Variants in ZNF222 observed in about 807,000 individuals in gnomAD.
The protein encoded by ZNF222 is zinc finger protein 222.
Under a neutral mutation model 11.6 loss-of-function variants are expected in ZNF222, and 8 were observed. That is an observed-to-expected ratio of 0.69 (90% CI 0.41 to 1.25). The LOEUF (loss-of-function observed/expected upper bound fraction) is 1.25, where lower values mean the gene tolerates loss of function less well. Ranked by LOEUF, ZNF222 falls within the 50% of genes most tolerant of loss-of-function variation. The pLI is 0.01. For missense variants in ZNF222, 483 were observed against 576.1 expected (o/e 0.84, Z 1.65); for synonymous variants, 171 against 195.6 (o/e 0.87, Z 1.05).
Position 44,027,141 on chromosome 19 carries a change from T to C in ZNF222, c.161T>C (p.Leu54Pro), listed in dbSNP as rs1976394927. The change falls in exon 2 of 4, where the codon CTC (leucine) becomes CCC (proline). Residue 54 changes from leucine (L) to proline (P), a missense_variant. Coordinates refer to ENST00000391960, the MANE Select transcript of ZNF222 (RefSeq NM_001129996.2). ...DVMLENFRNL[L>P]SVGHQPFHGD... ...ATGCTTGAGAACTTCAGGAACCTGC[T>C]CTCAGTGGGTGAGGACGGGCACCCC... The C allele has an allele frequency of 1.9e-6, 3 of 1,613,866 alleles. No homozygotes were observed. Among genetic ancestry groups the C allele is most frequent in the Non-Finnish European group, 2.5e-6 (3 of 1,179,974 alleles).
chr19:44,031,705 A>T, intron 3 of ZNF222, 112 bp from the exon 4 acceptor site: 1 of 1,213,964 alleles, frequency 8.2e-7, no homozygotes, highest in Non-Finnish European at 1.2e-6. Flanking sequence ...ATGGTCTCAA[A>T]CTCCTGACCT....
At chr19:44,030,330 A>G (rs10409475) in intron 3 of ZNF222, among the ~76,000 whole-genome samples, 9,697 of 152,260 alleles carry the variant, frequency 0.064, 1,012 homozygotes, top group African/African-American at 0.22. Context: ...CTTTGAAGGT[A>G]TAGATATTAA....
chr19:44,031,168 T>G (rs916326501), intron 3 of ZNF222: 5 of 152,430 alleles, frequency 3.3e-5, no homozygotes, highest in African/African-American at 1.2e-4. Context: ...GTATTTTAGC[T>G]TTATAACTTA....
intron 3 of ZNF222, chr19:44,028,163 C>T: frequency 2.5e-6 from 1 of 399,372 alleles, no homozygotes; most frequent in Non-Finnish European, 4.4e-6. Flanking sequence ...CATAGTCATG[C>T]TTCCTCTGCC....
chr19:44,030,398 G>A (rs1418271794), intron 3 of ZNF222, among the ~76,000 whole-genome samples: 5 of 152,234 alleles, frequency 3.3e-5, no homozygotes. Flanking sequence ...ACGAAGTTTA[G>A]TGGGACGTTT....
chr19:44,030,489 G>C (rs1412716188), intron 3 of ZNF222, among the ~76,000 whole-genome samples: 2 of 152,172 alleles, frequency 1.3e-5, no homozygotes, highest in Non-Finnish European at 1.5e-5. Flanking sequence ...TAATTTGCTA[G>C]AAAGACTCTT....
rs769882133 is a variant in ZNF222, at chr19:44,031,817, G to C, written c.263G>C (p.Gly88Ala). 6.1e-5 allele frequency: 98 copies of C among 1,612,098 alleles called. No individual in the cohort carries two copies. Among genetic ancestry groups the C allele is most frequent in the Non-Finnish European group, 7.7e-5 (91 of 1,178,984 alleles). The change falls in exon 4 of 4, where the codon GGA becomes GCA. Residue 88 changes from glycine to alanine, a missense_variant and splice_region_variant. Physicochemically the swap from Gly to Ala is moderately conservative, Grantham distance 60. Transcript: ENST00000391960. ...ATGTCTTAATTCTGTGTCCTTATAG[G>C]AGGCAAGATCCAAACTGAGATGGAG... ...GTTSQREGNL[G>A]GKIQTEMETV...
Position 44,032,893 on chromosome 19 carries a change from G to C in ZNF222, c.1339G>C (p.Val447Leu), listed in dbSNP as rs768732645. ...LKCEDCGKRL[V>L]CRSYCKDQQR... Reference sequence around the variant, plus strand: ...ATGTGAAGACTGTGGAAAGAGGCTTGTATGCCGGTCATACTGTAAAGACCA... The same window carrying C: ...ATGTGAAGACTGTGGAAAGAGGCTTCTATGCCGGTCATACTGTAAAGACCA... The change falls in exon 4 of 4, where the codon GTA becomes CTA. Residue 447 changes from valine to leucine, a missense_variant. Coordinates refer to ENST00000391960, the MANE Select transcript of ZNF222 (RefSeq NM_001129996.2). 5 of 1,613,900 alleles carry C rather than the reference G, an allele frequency of 3.1e-6. No homozygotes were observed. Among genetic ancestry groups the C allele is most frequent in the Admixed American group, 3.3e-5 (2 of 59,968 alleles).
chr19:44,026,554 A>ATTTTTTTTT (rs1329786054), intron 1 of ZNF222, among the ~76,000 whole-genome samples: 26 of 129,544 alleles, frequency 2.0e-4, no homozygotes, highest in African/African-American at 9.5e-4. Context: ...ATATATATAT[A>ATTTTTTTTT]TATTTTTTTT....
chr19:44,031,861 A>G lies in ZNF222; in HGVS notation c.307A>G (p.Thr103Ala), dbSNP rs750049319. ...TEMETVPEAG[T>A]HEEFSCKQIW... ...GATGGAGACTGTTCCAGAAGCAGGA[A>G]CACATGAAGAATTTTCCTGCAAGCA... is the stretch of plus-strand genomic sequence containing the variant. Residue 103 changes from threonine to alanine, a missense_variant, in exon 4 of 4, where the codon ACA becomes GCA. Transcript: ENST00000391960. 3 of 1,614,210 alleles carry G rather than the reference A, an allele frequency of 1.9e-6. No individual in the cohort carries two copies. The highest frequency in any genetic ancestry group is 1.1e-5 in the South Asian group (1 of 91,084).
chr19:44,026,356 T>A (rs1976360276), intron 1 of ZNF222, among the ~76,000 whole-genome samples: 1 of 152,056 alleles, frequency 6.6e-6, no homozygotes, highest in African/African-American at 2.4e-5. Flanking sequence ...GATCATCTCT[T>A]GAATGCAATT....
Position 44,027,472 on chromosome 19 carries a change from CAA to C in ZNF222, c.246_247del (p.Glu84ArgfsTer10), listed in dbSNP as rs757414542. On this transcript the variant is annotated frameshift_variant, in exon 3 of 4. Transcript: ENST00000391960. LOFTEE classifies it low-confidence loss of function (END_TRUNC). ...GTTTTGGGTGATGGGGACAACAAGCCAAAGAGAAGGGAATTTGGGTAAGAACC... is the reference window on the plus strand; with the variant it reads ...GTTTTGGGTGATGGGGACAACAAGCCAGAGAAGGGAATTTGGGTAAGAACC... ...EKFWVMGTTS[Q>X]REGNLGGKIQ... is the part of the protein sequence containing the mutation. 17 of 1,613,960 alleles carry C rather than the reference CAA, an allele frequency of 1.1e-5. No homozygotes were observed. In the East Asian group the frequency reaches 3.8e-4, roughly 36 times the overall value.
rs1232215519 is a variant in ZNF222, at chr19:44,032,928, C to T, written c.1374C>T (p.Asp458=). ...CRSYCKDQQR[D]HSGENPSKCE... is the part of the protein sequence containing the mutation. ...CATACTGTAAAGACCAACAAAGAGA[C>T]CACAGTGGAGAAAACCCATCCAAAT... The change falls in exon 4 of 4, where the codon GAC becomes GAT. Residue 458 remains aspartate (D), a synonymous_variant. Transcript: ENST00000391960. 1 of 1,611,510 alleles carries T rather than the reference C, an allele frequency of 6.2e-7. No homozygotes were observed. The highest frequency in any genetic ancestry group is 1.3e-5 in the African/African-American group (1 of 74,782).
intron 3 of ZNF222, among the ~76,000 whole-genome samples, chr19:44,029,186 G>GTTTTTTTTTT (rs1364529196): frequency 4.2e-4 from 41 of 97,828 alleles, no homozygotes; most frequent in African/African-American, 1.2e-3. Flanking sequence ...GGTTTGTTTT[G>GTTTTTTTTTT]TTTTGTTTTT....
rs1976512893 is a variant in ZNF222, at chr19:44,032,068, T to C, written c.514T>C (p.Phe172Leu). ...CKQFFSDVSF[F>L]DLPQQLYSGE... ...ACAGTTCTTCAGTGATGTTTCCTTCTTTGATCTTCCTCAGCAGTTATATTC... is the reference window on the plus strand; with the variant it reads ...ACAGTTCTTCAGTGATGTTTCCTTCCTTGATCTTCCTCAGCAGTTATATTC... The change falls in exon 4 of 4, where the codon TTT (phenylalanine) becomes CTT (leucine). Residue 172 changes from phenylalanine to leucine, a missense_variant. By Grantham distance (22) the Phe-to-Leu change is conservative. Transcript: ENST00000391960. The C allele has an allele frequency of 1.9e-6, 3 of 1,614,136 alleles. No homozygotes were observed. Among genetic ancestry groups the C allele is most frequent in the Non-Finnish European group, 2.5e-6 (3 of 1,180,052 alleles).
At position 44,028,843 on chromosome 19, in the gene ZNF222, G is replaced by A. The variant is rs767921721; in HGVS notation, c.262+1353G>A. On this transcript the variant is annotated intron_variant, in intron 3 of 3. Coordinates refer to ENST00000391960, the MANE Select transcript of ZNF222 (RefSeq NM_001129996.2). ...GTTATATAGTCATGCCTTGGTAGCC[G>A]TGGGGTTTGATTCCAGGACCCCCTT... 5.3e-5 allele frequency among the ~76,000 whole-genome samples: 8 copies of A among 152,304 alleles called. No individual in the cohort carries two copies. In the East Asian group the frequency reaches 1.3e-3, roughly 26 times the overall value.
At chr19:44,030,162 T>G (rs561851812) in intron 3 of ZNF222, among the ~76,000 whole-genome samples, 1 of 152,330 alleles carries the variant, frequency 6.6e-6, no homozygotes, top group African/African-American at 2.4e-5. Context: ...CATCCCCCTT[T>G]GTGAACCCCT....
intron 1 of ZNF222, among the ~76,000 whole-genome samples, chr19:44,026,555 TA>T (rs61392480): frequency 0.19 from 26,085 of 135,890 alleles, 2,607 homozygotes; most frequent in African/African-American, 0.31. Flanking sequence ...TATATATATA[TA>T]TTTTTTTTTT....
chr19:44,025,398 C>G lies in ZNF222; in HGVS notation c.-39C>G. On this transcript the variant is annotated 5_prime_UTR_variant, in exon 1 of 4. Transcript: ENST00000391960. The surrounding 1 kb of genome is among the most constrained non-coding windows in gnomAD (Gnocchi z 4.6). ...TCATTTCCACATCTTGCGAGTCCTT[C>G]CGAACGAGTCTCCTTTCCTTGGGGC... The G allele has an allele frequency of 6.5e-7, 1 of 1,550,280 alleles. No homozygotes were observed. Among genetic ancestry groups the G allele is most frequent in the South Asian group, 1.2e-5 (1 of 84,042 alleles).
Sources: gnomAD v4.1 joint callset for allele counts (sites outside exome capture counted in the v4.1 genomes callset) on GRCh38, gnomAD v4.1.1 for gene constraint, Gnocchi (gnomAD v3.1) non-coding constraint, MANE v1.5 for transcripts, NCBI Gene and HGNC (gene_info 2026-07-23, HGNC 2026-07-21) for gene names.